Variants in HAPLN1 observed in about 807,000 individuals in gnomAD.
HAPLN1 encodes the protein Cartilage link protein.
HAPLN1 carries 13 observed loss-of-function variants against 36.5 expected under a neutral mutation model. The ratio of observed to expected loss-of-function variants is 0.36; its 90% confidence interval spans 0.23 to 0.57. The LOEUF (loss-of-function observed/expected upper bound fraction) is 0.57, where lower values mean the gene tolerates loss of function less well. Ranked by LOEUF, HAPLN1 falls within the 20% of genes least tolerant of loss-of-function variation. HAPLN1 has a pLI of 0.83. For synonymous variants in HAPLN1, 202 were observed against 169.8 expected, an observed-to-expected ratio of 1.19 and a Z score of -1.48; for missense variants, 407 against 439.7, an observed-to-expected ratio of 0.93 and a Z score of 0.66.
intron 1 of HAPLN1, among the ~76,000 whole-genome samples, chr5:83,683,562 C>A (rs746610688): frequency 3.9e-5 from 6 of 152,110 alleles, no homozygotes; most frequent in Non-Finnish European, 8.8e-5. Flanking sequence ...GATAATGTGA[C>A]CTTTGAATAA....
At chr5:83,674,615 C>T (rs1404324905) in intron 1 of HAPLN1, 1 of 152,178 alleles carries the variant, frequency 6.6e-6, no homozygotes, top group East Asian at 1.9e-4. Context: ...TAACAAGGAC[C>T]TTCTATTTCT....
Position 83,710,528 on chromosome 5 carries a change from T to C in HAPLN1, c.-27+10261A>G, listed in dbSNP as rs534534624. ...AGGATGGGGGTGAGGGGATAGACAG[T>C]GAACATAGGTAGTTCAGGAAAAAAA... On this transcript the variant is annotated intron_variant, in intron 1 of 4. Transcript: ENST00000274341. Among the ~76,000 whole-genome samples, 4 of 151,382 alleles carry C rather than the reference T, an allele frequency of 2.6e-5. No homozygotes were observed. The South Asian group carries it at 6.2e-4, about 24-fold the overall frequency.
At chr5:83,704,794 C>T (rs1342059381) in intron 1 of HAPLN1, among the ~76,000 whole-genome samples, 1 of 152,150 alleles carries the variant, frequency 6.6e-6, no homozygotes, top group Non-Finnish European at 1.5e-5. Context: ...AAGACTCCAA[C>T]ATAGTAATAG....
intron 2 of HAPLN1, among the ~76,000 whole-genome samples, chr5:83,657,221 G>A (rs1392558633): frequency 2.6e-5 from 4 of 151,522 alleles, no homozygotes; most frequent in Non-Finnish European, 2.9e-5. Flanking sequence ...TCAGCCTCCC[G>A]AGTAGCTGGG....
intron 1 of HAPLN1, among the ~76,000 whole-genome samples, chr5:83,711,605 T>C (rs1012028762): frequency 4.6e-5 from 7 of 152,166 alleles, no homozygotes; most frequent in Non-Finnish European, 7.4e-5. Flanking sequence ...CCTGGACCCG[T>C]AGTTGAGAAC....
intron 2 of HAPLN1, among the ~76,000 whole-genome samples, chr5:83,660,328 T>C (rs1317505863): frequency 6.6e-6 from 1 of 152,164 alleles, no homozygotes; most frequent in Non-Finnish European, 1.5e-5. Flanking sequence ...AAAATGAAGA[T>C]AAATTCTATC....
chr5:83,657,295 A>T (rs1259340884), intron 2 of HAPLN1, among the ~76,000 whole-genome samples: 1 of 151,940 alleles, frequency 6.6e-6, no homozygotes, highest in Non-Finnish European at 1.5e-5. Flanking sequence ...ATGGGGTTTC[A>T]CCATGTTAGC....
chr5:83,671,503 C>T (rs758279607), intron 2 of HAPLN1, among the ~76,000 whole-genome samples: 12 of 152,018 alleles, frequency 7.9e-5, no homozygotes, highest in Non-Finnish European at 1.6e-4. Context: ...AAGTAAGTAA[C>T]GAAGCAAGTA....
At chr5:83,699,002 T>C (rs1580158959) in intron 1 of HAPLN1, among the ~76,000 whole-genome samples, 1 of 152,304 alleles carries the variant, frequency 6.6e-6, no homozygotes, top group East Asian at 1.9e-4. Context: ...CTATTTTAAA[T>C]TTTTAAAAAA....
At chr5:83,680,617 TTGA>T (rs1407666852) in intron 1 of HAPLN1, among the ~76,000 whole-genome samples, 1 of 152,162 alleles carries the variant, frequency 6.6e-6, no homozygotes, top group Non-Finnish European at 1.5e-5. Flanking sequence ...GCAATAAATT[TTGA>T]TGATGATGGT....
At chr5:83,718,226 G>C (rs1455490597) in intron 1 of HAPLN1, among the ~76,000 whole-genome samples, 3 of 152,178 alleles carry the variant, frequency 2.0e-5, no homozygotes, top group African/African-American at 7.2e-5. Context: ...TTCATAAACT[G>C]TTTAGTTGTA....
chr5:83,641,587 C>A lies in HAPLN1; in HGVS notation c.974G>T (p.Cys325Phe), dbSNP rs2112548200. 6.2e-7 allele frequency: 1 copy of A among 1,614,200 alleles called. No individual in the cohort carries two copies. Among genetic ancestry groups the A allele is most frequent in the African/African-American group, 1.3e-5 (1 of 75,052 alleles). ...GCGCACTGCAGCCTCAGTAGGACTG[C>A]AGCGCCTTCTTGGCCTAGAGATGGG... is the stretch of plus-strand genomic sequence containing the variant. ...RYPISRPRRR[C>F]SPTEAAVRFV... The change falls in exon 5 of 5, where the codon TGC (cysteine) becomes TTC (phenylalanine). Residue 325 changes from cysteine to phenylalanine, a missense_variant. Physicochemically the swap from Cys to Phe is radical, Grantham distance 205. Coordinates refer to ENST00000274341, the MANE Select transcript of HAPLN1 (RefSeq NM_001884.4).
At chr5:83,691,752 T>C (rs926367596) in intron 1 of HAPLN1, among the ~76,000 whole-genome samples, 3 of 151,586 alleles carry the variant, frequency 2.0e-5, no homozygotes, top group African/African-American at 7.3e-5. Flanking sequence ...CCAATAATAA[T>C]AGTAATAATA....
intron 1 of HAPLN1, among the ~76,000 whole-genome samples, chr5:83,685,598 C>G (rs1399332857): frequency 2.0e-5 from 3 of 152,136 alleles, no homozygotes; most frequent in African/African-American, 7.2e-5. Flanking sequence ...GTGTAAACTT[C>G]CTGAGGACAA....
At chr5:83,711,522 G>A (rs891944875) in intron 1 of HAPLN1, among the ~76,000 whole-genome samples, 8 of 152,144 alleles carry the variant, frequency 5.3e-5, no homozygotes, top group Admixed American at 5.2e-4. Flanking sequence ...AAGAAAGAAA[G>A]AAGTGAAGAT....
chr5:83,690,137 C>T (rs193302716), intron 1 of HAPLN1, among the ~76,000 whole-genome samples: 1 of 152,160 alleles, frequency 6.6e-6, no homozygotes, highest in Non-Finnish European at 1.5e-5. Context: ...GGCATCAGTA[C>T]TCCTCTGTCA....
At chr5:83,706,195 A>T (rs1751646618) in intron 1 of HAPLN1, among the ~76,000 whole-genome samples, 1 of 152,110 alleles carries the variant, frequency 6.6e-6, no homozygotes, top group Admixed American at 6.5e-5. Context: ...ATTCCAAAAA[A>T]TCAAGAAGGA....
At chr5:83,698,328 C>A (rs1264420660) in intron 1 of HAPLN1, among the ~76,000 whole-genome samples, 1 of 151,754 alleles carries the variant, frequency 6.6e-6, no homozygotes, top group Non-Finnish European at 1.5e-5. Context: ...TCTTTTCCTG[C>A]TTTGTAAGGA....
At chr5:83,667,882 T>C (rs2112590318) in intron 2 of HAPLN1, among the ~76,000 whole-genome samples, 2 of 152,360 alleles carry the variant, frequency 1.3e-5, no homozygotes, top group Middle Eastern at 6.8e-3. Flanking sequence ...AACTTGTCTT[T>C]GGCGGACTCT....
Sources: gnomAD v4.1 joint callset for allele counts (sites outside exome capture counted in the v4.1 genomes callset) on GRCh38, gnomAD v4.1.1 for gene constraint, MANE v1.5 for transcripts, NCBI Gene and HGNC (gene_info 2026-07-23, HGNC 2026-07-21) for gene names.